DNM3: variants seen among roughly 807,000 people sequenced by gnomAD.
DNM3 encodes the protein dynamin-3.
A neutral mutation model predicts 101.6 loss-of-function variants in DNM3; 47 were observed. The observed-to-expected ratio is 0.46, with a 90% CI of 0.37 to 0.59. The LOEUF (loss-of-function observed/expected upper bound fraction) is 0.59, where lower values mean the gene tolerates loss of function less well. Among genes scored for constraint, DNM3 ranks in the 20% least tolerant of loss-of-function variants. The probability of loss-of-function intolerance (pLI) is 0.00; values close to 1 mark genes in which losing one functional copy is unlikely to be tolerated. For missense variants in DNM3, 849 were observed against 1,085.7 expected, an observed-to-expected ratio of 0.78 and a Z score of 3.06; for synonymous variants, 385 against 387.9, an observed-to-expected ratio of 0.99 and a Z score of 0.09.
At chr1:172,060,088 C>G (rs1312319838) in intron 10 of DNM3, among the ~76,000 whole-genome samples, 1 of 151,280 alleles carries the variant, frequency 6.6e-6, no homozygotes, top group Non-Finnish European at 1.5e-5. Context: ...AGTGAACTCC[C>G]ATTCACAATT....
chr1:172,084,016 A>G (rs2053350200), intron 12 of DNM3, among the ~76,000 whole-genome samples: 2 of 152,146 alleles, frequency 1.3e-5, no homozygotes, highest in South Asian at 4.1e-4. Flanking sequence ...AACTCTACAC[A>G]TTTCTCATCT....
At chr1:171,917,041 A>G (rs539924503) in intron 1 of DNM3, among the ~76,000 whole-genome samples, 6 of 152,320 alleles carry the variant, frequency 3.9e-5, no homozygotes, top group East Asian at 1.9e-4. Context: ...GAGCTTAAGC[A>G]TAGTACCTGT....
intron 11 of DNM3, among the ~76,000 whole-genome samples, chr1:172,075,416 G>T (rs998606441): frequency 6.6e-6 from 1 of 152,084 alleles, no homozygotes; most frequent in South Asian, 2.1e-4. Flanking sequence ...GTATTGCCTA[G>T]GTTTCCTTCT....
chr1:172,033,472 G>C (rs898246063), intron 6 of DNM3, among the ~76,000 whole-genome samples: 2 of 152,056 alleles, frequency 1.3e-5, no homozygotes, highest in African/African-American at 4.8e-5. Context: ...ATTATTGCAA[G>C]AACAATTATC....
intron 15 of DNM3, among the ~76,000 whole-genome samples, chr1:172,255,583 A>G (rs899345313): frequency 1.3e-5 from 2 of 152,168 alleles, no homozygotes; most frequent in African/African-American, 4.8e-5. Context: ...CGAAATAAGG[A>G]AACTGTGGAC....
intron 1 of DNM3, among the ~76,000 whole-genome samples, chr1:171,855,540 G>C (rs911942770): frequency 2.6e-5 from 4 of 152,332 alleles, no homozygotes; most frequent in African/African-American, 9.6e-5. Context: ...GTCAGCATCT[G>C]TTGTTTTTTG....
At chr1:171,999,862 A>G (rs2046252217) in intron 4 of DNM3, among the ~76,000 whole-genome samples, 1 of 152,102 alleles carries the variant, frequency 6.6e-6, no homozygotes, top group Non-Finnish European at 1.5e-5. Flanking sequence ...AAAGAATGCT[A>G]GGAGTCACCA....
At chr1:172,364,475 G>A (rs1558046839) in intron 17 of DNM3, among the ~76,000 whole-genome samples, 1 of 151,728 alleles carries the variant, frequency 6.6e-6, no homozygotes, top group Non-Finnish European at 1.5e-5. Flanking sequence ...TGATATGCAG[G>A]GGATGCAATC....
At chr1:172,133,024 G>C in intron 14 of DNM3, 1 of 1,507,484 alleles carries the variant, frequency 6.6e-7, no homozygotes, top group Non-Finnish European at 8.8e-7. Flanking sequence ...GAATCCCAGA[G>C]ATGCCTGGAG....
At chr1:171,865,740 AT>A (rs1351574186) in intron 1 of DNM3, among the ~76,000 whole-genome samples, 2 of 152,192 alleles carry the variant, frequency 1.3e-5, no homozygotes, top group Non-Finnish European at 2.9e-5. Context: ...ATTCATACAT[AT>A]TCCTCTAGAG....
intron 4 of DNM3, among the ~76,000 whole-genome samples, chr1:171,992,544 G>A (rs1360151964): frequency 6.6e-6 from 1 of 151,844 alleles, no homozygotes; most frequent in African/African-American, 2.4e-5. Flanking sequence ...TTTTTATTAG[G>A]TGCCACTTAG....
intron 17 of DNM3, among the ~76,000 whole-genome samples, chr1:172,331,371 G>A (rs912070572): frequency 6.6e-6 from 1 of 152,084 alleles, no homozygotes; most frequent in African/African-American, 2.4e-5. Flanking sequence ...GAATAATTAT[G>A]TAAAATTTAA....
rs144432172 is a variant in DNM3 at position 172,343,460 on chromosome 1, C to T, written c.1893+20120C>T. The stretch of plus-strand genomic sequence containing the variant: ...TACACCATATTCCAGTAAATTGATG[C>T]AGGCCGATAACTTTTCATTCATTTC... On this transcript the variant is annotated intron_variant, in intron 17 of 20. Coordinates refer to ENST00000627582, the MANE Select transcript of DNM3 (RefSeq NM_015569.5). Among the ~76,000 whole-genome samples the T allele has an allele frequency of 3.3e-5, 5 of 152,138 alleles. No homozygotes were observed. The East Asian group carries it at 9.6e-4, about 29-fold the overall frequency.
intron 12 of DNM3, among the ~76,000 whole-genome samples, chr1:172,090,929 C>A (rs2053865317): frequency 6.6e-6 from 1 of 152,146 alleles, no homozygotes; most frequent in Non-Finnish European, 1.5e-5. Context: ...AACTATTAAA[C>A]AATCTGTAAG....
intron 14 of DNM3, among the ~76,000 whole-genome samples, chr1:172,233,823 T>C (rs2061431940): frequency 6.6e-6 from 1 of 152,152 alleles, no homozygotes; most frequent in African/African-American, 2.4e-5. Flanking sequence ...AGAAAAGGCC[T>C]TTGACAAAAT....
chr1:171,854,743 A>ATT (rs1375987452), intron 1 of DNM3, among the ~76,000 whole-genome samples: 8 of 145,142 alleles, frequency 5.5e-5, no homozygotes, highest in African/African-American at 1.3e-4. Context: ...TGCCAGGCTA[A>ATT]TTTTTTTTTT....
Position 172,408,210 on chromosome 1 carries a change from G to C in DNM3, c.*369G>C. ...TAATTCTTCAGATATGAGATAGTGG[G>C]CTTAGACCTAAGCCATACATATTTC... On this transcript the variant is annotated 3_prime_UTR_variant, in exon 21 of 21. Coordinates refer to ENST00000627582, the MANE Select transcript of DNM3 (RefSeq NM_015569.5). 9.6e-7 allele frequency: 1 copy of C among 1,043,498 alleles called. No individual in the cohort carries two copies. Among genetic ancestry groups the C allele is most frequent in the Non-Finnish European group, 1.2e-6 (1 of 865,034 alleles). 64.6% of individuals were successfully genotyped at this position (1,043,498 alleles called of 1,614,324 possible).
At chr1:172,076,847 A>G (rs1452946854) in intron 11 of DNM3, among the ~76,000 whole-genome samples, 1 of 152,102 alleles carries the variant, frequency 6.6e-6, no homozygotes, top group African/African-American at 2.4e-5. Flanking sequence ...GTTAGGGAGG[A>G]GTTCCTCTTT....
At chr1:172,023,792 T>C (rs1206840929) in intron 4 of DNM3, among the ~76,000 whole-genome samples, 1 of 151,946 alleles carries the variant, frequency 6.6e-6, no homozygotes, top group Non-Finnish European at 1.5e-5. Context: ...CTTTGGAATG[T>C]CAGTTATTCA....
Sources: gnomAD v4.1 joint callset for allele counts (sites outside exome capture counted in the v4.1 genomes callset) on GRCh38, gnomAD v4.1.1 for gene constraint, MANE v1.5 for transcripts, NCBI Gene and HGNC (gene_info 2026-07-23, HGNC 2026-07-21) for gene names.